Variants in RHOH observed in about 807,000 individuals in gnomAD.
RHOH encodes rho-related GTP-binding protein RhoH.
RHOH carries 6 observed loss-of-function variants against 13.8 expected under a neutral mutation model. The observed-to-expected ratio is 0.44, with a 90% CI of 0.24 to 0.86. RHOH has a LOEUF of 0.86. Ranked by LOEUF, RHOH falls within the 40% of genes least tolerant of loss-of-function variation. The probability of loss-of-function intolerance (pLI) is 0.24; values close to 1 mark genes in which losing one functional copy is unlikely to be tolerated. For missense variants in RHOH, 147 were observed against 244.5 expected (o/e 0.60, Z 2.66); for synonymous variants, 117 against 103.0 (o/e 1.14, Z -0.82).
intron 1 of RHOH, chr4:40,209,562 C>T (rs1464529809): frequency 2.0e-5 from 3 of 152,168 alleles, no homozygotes; most frequent in Non-Finnish European, 2.9e-5. Context: ...TCTCCCACCT[C>T]AGCCTCCCGA....
At chr4:40,224,035 G>C (rs1200155248) in intron 1 of RHOH, among the ~76,000 whole-genome samples, 4 of 152,082 alleles carry the variant, frequency 2.6e-5, no homozygotes. Context: ...GCCTCCCAAA[G>C]TGCTGGGATT....
chr4:40,198,135 G>A (rs114635153), intron 1 of RHOH, among the ~76,000 whole-genome samples: 202 of 152,360 alleles, frequency 1.3e-3, no homozygotes, highest in African/African-American at 4.6e-3. Context: ...TCAGTGATGA[G>A]TGGGGCAGCA....
chr4:40,238,055 C>T (rs1728794274), intron 1 of RHOH, among the ~76,000 whole-genome samples: 1 of 152,110 alleles, frequency 6.6e-6, no homozygotes, highest in African/African-American at 2.4e-5. Context: ...CGTATGAGCT[C>T]ACAGTGAAGA....
At chr4:40,206,910 T>C (rs2109382983) in intron 1 of RHOH, among the ~76,000 whole-genome samples, 1 of 152,294 alleles carries the variant, frequency 6.6e-6, no homozygotes, top group South Asian at 2.1e-4. Context: ...AGTGTTTATG[T>C]ATTAAAATTG....
chr4:40,243,563 A>C lies in RHOH; in HGVS notation c.177A>C (p.Thr59=). 6.2e-7 allele frequency: 1 copy of C among 1,614,130 alleles called. No individual in the cohort carries two copies. The change falls in exon 3 of 3, where the codon ACA becomes ACC. Residue 59 remains threonine, a synonymous_variant. Transcript: ENST00000381799. The surrounding 1 kb of genome is among the most constrained non-coding windows in gnomAD (Gnocchi z 6.2). ...AGATCAGCCTGGGCCTCTGGGACACAGCCGGCAATGACGCCTTCAGAAGCA... is the reference window on the plus strand; with the variant it reads ...AGATCAGCCTGGGCCTCTGGGACACCGCCGGCAATGACGCCTTCAGAAGCA... ...GIQISLGLWD[T]AGNDAFRSIR...
At chr4:40,202,909 G>A (rs1234191268) in intron 1 of RHOH, among the ~76,000 whole-genome samples, 4 of 152,000 alleles carry the variant, frequency 2.6e-5, no homozygotes, top group Non-Finnish European at 5.9e-5. Flanking sequence ...ACACCAGAAA[G>A]GAAATGATTT....
At chr4:40,197,971 G>C (rs907821312) in intron 1 of RHOH, among the ~76,000 whole-genome samples, 2 of 152,178 alleles carry the variant, frequency 1.3e-5, no homozygotes, top group Admixed American at 6.5e-5. Context: ...ACGTATTCAA[G>C]CAGGCAACAA....
At chr4:40,199,538 A>C (rs953069807) in intron 1 of RHOH, among the ~76,000 whole-genome samples, 1 of 152,346 alleles carries the variant, frequency 6.6e-6, no homozygotes, top group Admixed American at 6.5e-5. Flanking sequence ...TCTCTAGCTT[A>C]TGAGATGAGA....
intron 1 of RHOH, among the ~76,000 whole-genome samples, chr4:40,226,810 C>T (rs372703475): frequency 3.3e-5 from 5 of 152,030 alleles, no homozygotes; most frequent in East Asian, 1.9e-4. Flanking sequence ...TGATCCATCT[C>T]GAAGGAAGTG....
intron 1 of RHOH, chr4:40,205,645 A>G (rs1283105859): frequency 6.6e-6 from 1 of 152,184 alleles, no homozygotes; most frequent in Non-Finnish European, 1.5e-5. Context: ...AGACTGTGGT[A>G]TCAGGCAGGG....
chr4:40,227,457 G>A (rs987728342), intron 1 of RHOH, among the ~76,000 whole-genome samples: 5 of 152,204 alleles, frequency 3.3e-5, no homozygotes, highest in Non-Finnish European at 7.3e-5. Context: ...GCCCCCAGCA[G>A]CTTAACCACT....
At chr4:40,201,261 T>C (rs1243058896) in intron 1 of RHOH, among the ~76,000 whole-genome samples, 2 of 151,614 alleles carry the variant, frequency 1.3e-5, no homozygotes, top group African/African-American at 2.4e-5. Flanking sequence ...ATCCCCCCCT[T>C]TTTTTTTGCA....
intron 1 of RHOH, among the ~76,000 whole-genome samples, chr4:40,202,047 C>A (rs1285004369): frequency 6.8e-6 from 1 of 147,776 alleles, no homozygotes; most frequent in East Asian, 2.1e-4. Context: ...ACCTCCTGTG[C>A]TCATTTGATC....
chr4:40,195,352 CTTTT>C (rs1208606096), upstream of RHOH, among the ~76,000 whole-genome samples: 4 of 132,974 alleles, frequency 3.0e-5, no homozygotes, highest in African/African-American at 1.2e-4. Flanking sequence ...TCCTTTCTTT[CTTTT>C]CCTTCCTTCC....
chr4:40,222,624 C>T (rs114748261), intron 1 of RHOH, among the ~76,000 whole-genome samples: 1,925 of 152,308 alleles, frequency 0.013, 38 homozygotes, highest in African/African-American at 0.043. Context: ...TCATGGACAA[C>T]GCACCTAGTC....
chr4:40,213,968 A>G (rs957739430), intron 1 of RHOH, among the ~76,000 whole-genome samples: 10 of 151,980 alleles, frequency 6.6e-5, no homozygotes, highest in African/African-American at 2.2e-4. Flanking sequence ...TGTTGGCCAG[A>G]CTGCTCTCAA....
chr4:40,217,987 A>G (rs960716607), intron 1 of RHOH: 2 of 152,198 alleles, frequency 1.3e-5, no homozygotes, highest in African/African-American at 2.4e-5. Flanking sequence ...AGTTTAGAGC[A>G]TATACCAGTT....
intron 1 of RHOH, among the ~76,000 whole-genome samples, chr4:40,241,127 G>C (rs6531769): frequency 0.95 from 144,486 of 152,322 alleles, 68,587 homozygotes; most frequent in East Asian, 1. Flanking sequence ...AAAGTTTAAC[G>C]GAAGCCTATG....
intron 1 of RHOH, among the ~76,000 whole-genome samples, chr4:40,238,185 C>G (rs1196055185): frequency 6.7e-6 from 1 of 148,368 alleles, no homozygotes; most frequent in Admixed American, 6.7e-5. Context: ...GGCATCTGAT[C>G]TGGCGGGGGC....
Sources: gnomAD v4.1 joint callset for allele counts (sites outside exome capture counted in the v4.1 genomes callset) on GRCh38, gnomAD v4.1.1 for gene constraint, Gnocchi (gnomAD v3.1) non-coding constraint, MANE v1.5 for transcripts, NCBI Gene and HGNC (gene_info 2026-07-23, HGNC 2026-07-21) for gene names.